RIOX2: variants seen among roughly 807,000 people sequenced by gnomAD.
The protein encoded by RIOX2 is ribosomal oxygenase 2.
In RIOX2, 43 loss-of-function variants were observed where a neutral mutation model predicts 51.2. The ratio of observed to expected loss-of-function variants is 0.84; its 90% CI spans 0.66 to 1.08. The LOEUF is 1.08. Among genes scored for constraint, RIOX2 ranks in the 50% least tolerant of loss-of-function variants. RIOX2 has a pLI of 0.00. For missense variants in RIOX2, 566 were observed against 561.7 expected (o/e 1.01, Z -0.08); for synonymous variants, 226 against 218.5 (o/e 1.03, Z -0.30).
chr3:97,942,504 C>T lies in RIOX2; in HGVS notation c.*2680G>A. The T allele has an allele frequency of 7.0e-7, 1 of 1,429,990 alleles. No individual in the cohort carries two copies. The highest frequency in any genetic ancestry group is 1.5e-5 in the South Asian group (1 of 64,692). The allele number at this position is 1,429,990 out of a possible 1,614,324, so 88.6% of individuals were successfully genotyped here. On this transcript the variant is annotated 3_prime_UTR_variant, in exon 10 of 10. Coordinates refer to ENST00000394198, the MANE Select transcript of RIOX2 (RefSeq NM_153182.4). ...GATATTAGTTTCAGTTCCAAATCTCCTCATTTTGGGTAAAGGACATCCTTA... is the reference window on the plus strand; with the variant it reads ...GATATTAGTTTCAGTTCCAAATCTCTTCATTTTGGGTAAAGGACATCCTTA...
At position 97,959,065 on chromosome 3, in the gene RIOX2, C is replaced by A; in HGVS notation, c.667G>T (p.Glu223Ter). The change falls in exon 4 of 10, where the codon GAG becomes TAG. Residue 223 changes from glutamate to a stop codon, truncating the protein, a stop_gained. Transcript: ENST00000394198. LOFTEE classifies it high-confidence loss of function. ...TTATCACATACCTTCAGCATAAACTCATGCACCGGCCTGCCGATCCTTTCC... is the reference window on the plus strand; with the variant it reads ...TTATCACATACCTTCAGCATAAACTAATGCACCGGCCTGCCGATCCTTTCC... Reference protein sequence around the residue: ...AEERIGRPVHEFMLKPGDLLY... With the variant: ...AEERIGRPVH 6.2e-7 allele frequency: 1 copy of A among 1,613,212 alleles called. No homozygotes were observed. The highest frequency in any genetic ancestry group is 8.5e-7 in the Non-Finnish European group (1 of 1,179,564).
chr3:97,947,172 A>G (rs1401945607), intron 8 of RIOX2, among the ~76,000 whole-genome samples, 189 bp downstream of exon 8: 1 of 152,176 alleles, frequency 6.6e-6, no homozygotes, highest in Non-Finnish European at 1.5e-5. Context: ...TTCTGTGAGG[A>G]TGAGGGCAAG....
intron 2 of RIOX2, among the ~76,000 whole-genome samples, chr3:97,964,437 TC>T (rs35822917): frequency 7.9e-4 from 120 of 151,944 alleles, no homozygotes; most frequent in Admixed American, 2.3e-3. Flanking sequence ...ATGCCTGTAA[TC>T]CCAGCATTTT....
intron 5 of RIOX2, among the ~76,000 whole-genome samples, chr3:97,952,856 G>T (rs995805110): frequency 1.3e-5 from 2 of 152,092 alleles, no homozygotes; most frequent in Non-Finnish European, 2.9e-5. Context: ...AGTGATGAGG[G>T]CATTTTTCAA....
At chr3:97,966,985 C>G (rs1705912977) in intron 2 of RIOX2, among the ~76,000 whole-genome samples, 177 bp downstream of exon 2, 1 of 152,224 alleles carries the variant, frequency 6.6e-6, no homozygotes, top group East Asian at 1.9e-4. Flanking sequence ...TCCAACCAAA[C>G]ATAACACATA....
rs2040324639 is a variant in RIOX2, at chr3:97,945,160, T to G, written c.*24A>C. ...CTTTTAATATATGCATATAAAATAG[T>G]AGGCATTTGATTCTGCAAAGGCACT... On this transcript the variant is annotated 3_prime_UTR_variant, in exon 10 of 10. Transcript: ENST00000394198. 1 of 1,581,558 alleles carries G rather than the reference T, an allele frequency of 6.3e-7. No homozygotes were observed. The highest frequency in any genetic ancestry group is 1.2e-5 in the South Asian group (1 of 85,452).
chr3:97,947,189 T>G (rs1264074442), intron 8 of RIOX2, among the ~76,000 whole-genome samples, 172 bp downstream of exon 8: 1 of 152,042 alleles, frequency 6.6e-6, no homozygotes, highest in Non-Finnish European at 1.5e-5. Flanking sequence ...CAAGAAAATA[T>G]GGAATTGGAA....
chr3:97,966,303 A>G (rs949680341), intron 2 of RIOX2, among the ~76,000 whole-genome samples: 11 of 152,070 alleles, frequency 7.2e-5, no homozygotes, highest in African/African-American at 2.7e-4. Flanking sequence ...TTCTCCTCCT[A>G]TGTTGCCATT....
intron 3 of RIOX2, 124 bp from the exon 4 acceptor site, chr3:97,959,303 C>T (rs1576008661): frequency 4.2e-6 from 2 of 479,954 alleles, no homozygotes; most frequent in African/African-American, 2.2e-5. Context: ...TTGAACAACA[C>T]AGGTTTTTTT....
Position 97,964,025 on chromosome 3 carries a change from A to G in RIOX2, c.433-2317T>C, listed in dbSNP as rs529673773. Among the ~76,000 whole-genome samples, 27 of 152,302 alleles carry G rather than the reference A, an allele frequency of 1.8e-4. 1 individual carries two copies. In the East Asian group the frequency reaches 5.2e-3, roughly 29 times the overall value. On this transcript the variant is annotated intron_variant, in intron 2 of 9. Transcript: ENST00000394198. The stretch of plus-strand genomic sequence containing the variant: ...ATACAAGCGATATTGCTTTACTAAC[A>G]TTGACTCAAGCACAAACAAGGCTCC...
chr3:97,959,258 T>G, intron 3 of RIOX2, 79 bp from the exon 4 acceptor site: 1 of 1,286,620 alleles, frequency 7.8e-7, no homozygotes, highest in Non-Finnish European at 1.1e-6. Flanking sequence ...CTATTAGCCC[T>G]CTAAGGGGCT....
In RIOX2 at chr3:97,943,546, G is replaced by T. The variant is rs571741271; in HGVS notation, c.*1638C>A. 98 of 457,612 alleles carry T rather than the reference G, an allele frequency of 2.1e-4. No individual in the cohort carries two copies. The highest frequency in any genetic ancestry group is 5.4e-4 in the Admixed American group (12 of 22,074). The allele number at this position is 457,612 out of a possible 1,614,324, so 28.3% of individuals were successfully genotyped here. A position where few individuals can be genotyped will look rare whatever the true frequency, so the allele number is the denominator to read the frequency against. ...GAAAATATTATGATATCTTGGAAAG[G>T]TTCTATTCCTGATCTCCAGCTGTGG... On this transcript the variant is annotated 3_prime_UTR_variant, in exon 10 of 10. Transcript: ENST00000394198.
Position 97,942,537 on chromosome 3 carries a change from G to T in RIOX2, c.*2647C>A. ...GGGTAAAGGACATCCTTATGTATAA[G>T]AGAAATGTTAAGTCATTTAAAATTA... On this transcript the variant is annotated 3_prime_UTR_variant, in exon 10 of 10. Coordinates refer to ENST00000394198, the MANE Select transcript of RIOX2 (RefSeq NM_153182.4). 8.9e-7 allele frequency: 1 copy of T among 1,127,212 alleles called. No individual in the cohort carries two copies. The highest frequency in any genetic ancestry group is 1.2e-6 in the Non-Finnish European group (1 of 816,162). The allele number at this position is 1,127,212 out of a possible 1,614,324, so 69.8% of individuals were successfully genotyped here. A position where few individuals can be genotyped will look rare whatever the true frequency, so the allele number is the denominator to read the frequency against.
At chr3:97,945,542 G>A in intron 9 of RIOX2, 200 bp from the exon 10 acceptor site, 1 of 608,846 alleles carries the variant, frequency 1.6e-6, no homozygotes, top group Non-Finnish European at 2.8e-6. Flanking sequence ...AGTGATATTA[G>A]TAATTTGAAA....
At chr3:97,956,343 T>A (rs1705449391) in intron 4 of RIOX2, among the ~76,000 whole-genome samples, 1 of 152,192 alleles carries the variant, frequency 6.6e-6, no homozygotes, top group African/African-American at 2.4e-5. Context: ...CCTGAAGGAA[T>A]GCAGTACAGC....
In RIOX2 at chr3:97,967,525, C is replaced by A. The variant is rs765252413; in HGVS notation, c.69G>T (p.Lys23Asn). Residue 23 changes from lysine (K) to asparagine (N), a missense_variant, in exon 2 of 10, where the codon AAG (lysine) becomes AAT (asparagine). Physicochemically the swap from Lys to Asn is moderately conservative, Grantham distance 94 (BLOSUM62 0). Transcript: ENST00000394198. ...EEGPAPCKQM[K>N]LEAAGGPSAL... is the part of the protein sequence containing the mutation. ...CTGAAGGCCCCCCAGCTGCTTCTAACTTCATCTGCTTACAGGGAGCCGGCC... is the reference window on the plus strand; with the variant it reads ...CTGAAGGCCCCCCAGCTGCTTCTAAATTCATCTGCTTACAGGGAGCCGGCC... The A allele has an allele frequency of 6.2e-7, 1 of 1,612,114 alleles. No homozygotes were observed. The highest frequency in any genetic ancestry group is 8.5e-7 in the Non-Finnish European group (1 of 1,178,128).
At chr3:97,969,871 A>G (rs1386094941) in intron 1 of RIOX2, among the ~76,000 whole-genome samples, 1 of 152,164 alleles carries the variant, frequency 6.6e-6, no homozygotes. Context: ...TCCCTGTAAT[A>G]AATCAGCCGA....
In RIOX2 at chr3:97,942,650, T is replaced by A; in HGVS notation, c.*2534A>T. The A allele has an allele frequency of 2.1e-6, 1 of 470,196 alleles. No individual in the cohort carries two copies. Among genetic ancestry groups the A allele is most frequent in the Non-Finnish European group, 3.7e-6 (1 of 268,414 alleles). The allele number at this position is 470,196 out of a possible 1,614,324, so 29.1% of individuals were successfully genotyped here. ...AACAAAGCTTAGGGTTTTTGTTCAT[T>A]AGTACAGTTGTAAAACTTTCATTTG... On this transcript the variant is annotated 3_prime_UTR_variant, in exon 10 of 10. Transcript: ENST00000394198.
intron 4 of RIOX2, 142 bp downstream of exon 4, chr3:97,958,909 A>T: frequency 1.2e-6 from 1 of 858,518 alleles, no homozygotes; most frequent in Non-Finnish European, 1.7e-6. Flanking sequence ...CAGCAATGAG[A>T]AGCACCCTGC....
Sources: gnomAD v4.1 joint callset for allele counts (sites outside exome capture counted in the v4.1 genomes callset) on GRCh38, gnomAD v4.1.1 for gene constraint, MANE v1.5 for transcripts, NCBI Gene and HGNC (gene_info 2026-07-23, HGNC 2026-07-21) for gene names.